The following XKR6 variants were observed in gnomAD, a reference collection of about 807,000 sequenced individuals.
XKR6 encodes the protein XK related 6.
XKR6 carries 22 observed loss-of-function variants against 56.7 expected under a neutral mutation model. That is an observed-to-expected ratio of 0.39 (90% CI 0.28 to 0.55). The LOEUF (loss-of-function observed/expected upper bound fraction) is 0.55. Among genes scored for constraint, XKR6 ranks in the 20% least tolerant of loss-of-function variants. The pLI, the probability that XKR6 is intolerant of heterozygous loss-of-function variation, is 0.66. For missense variants in XKR6, 852 were observed against 889.0 expected (o/e 0.96, Z 0.53); for synonymous variants, 524 against 387.8 (o/e 1.35, Z -4.13).
At chr8:11,198,988 T>C (rs1235971918) in intron 1 of XKR6, among the ~76,000 whole-genome samples, 1 of 151,798 alleles carries the variant, frequency 6.6e-6, no homozygotes, top group African/African-American at 2.4e-5. Flanking sequence ...AGTGTGTGGG[T>C]GTTTAGGAAT....
At chr8:10,925,202 CG>C (rs991794652) in intron 1 of XKR6, among the ~76,000 whole-genome samples, 4 of 152,046 alleles carry the variant, frequency 2.6e-5, no homozygotes, top group Admixed American at 1.3e-4. Flanking sequence ...TTCAGGACCC[CG>C]GGGGGAAACA....
At chr8:10,905,352 T>G (rs1359649282) in intron 2 of XKR6, among the ~76,000 whole-genome samples, 1 of 152,172 alleles carries the variant, frequency 6.6e-6, no homozygotes, top group Non-Finnish European at 1.5e-5. Context: ...GGATCTGCTC[T>G]GTCCTTCTTC....
chr8:11,171,502 T>G (rs11997794), intron 1 of XKR6, among the ~76,000 whole-genome samples: 1 of 152,172 alleles, frequency 6.6e-6, no homozygotes, highest in South Asian at 2.1e-4. Flanking sequence ...GCCTCATGAA[T>G]AGATTCATTC....
intron 1 of XKR6, among the ~76,000 whole-genome samples, chr8:10,976,107 T>C (rs866691650): frequency 3.4e-5 from 5 of 148,598 alleles, no homozygotes; most frequent in African/African-American, 1.0e-4. Context: ...ACCCGGGAGG[T>C]GGAGCTTGCA....
At chr8:11,093,761 C>A (rs930844532) in intron 1 of XKR6, among the ~76,000 whole-genome samples, 14 of 152,082 alleles carry the variant, frequency 9.2e-5, no homozygotes, top group African/African-American at 2.9e-4. Context: ...CTTTATACTT[C>A]AGGGTCTTTA....
At chr8:10,945,703 T>A (rs1801513934) in intron 1 of XKR6, among the ~76,000 whole-genome samples, 1 of 152,208 alleles carries the variant, frequency 6.6e-6, no homozygotes, top group Non-Finnish European at 1.5e-5. Context: ...TTGGGCGACT[T>A]CTTAATAAAA....
chr8:11,045,570 T>C (rs766752569), intron 1 of XKR6, among the ~76,000 whole-genome samples: 3 of 152,232 alleles, frequency 2.0e-5, no homozygotes, highest in Non-Finnish European at 4.4e-5. Flanking sequence ...GAGATAATAC[T>C]ACTACTGACC....
intron 1 of XKR6, among the ~76,000 whole-genome samples, chr8:11,097,665 G>A (rs1313803587): frequency 6.6e-6 from 1 of 151,612 alleles, no homozygotes; most frequent in African/African-American, 2.4e-5. Flanking sequence ...AAATTAGCCG[G>A]GCGTGGTGGT....
chr8:10,971,544 T>C (rs1463923717), intron 1 of XKR6, among the ~76,000 whole-genome samples: 2 of 152,082 alleles, frequency 1.3e-5, no homozygotes, highest in Admixed American at 6.5e-5. Context: ...TCACAGAACA[T>C]GAAAACTAAA....
intron 1 of XKR6, among the ~76,000 whole-genome samples, chr8:10,951,243 G>A (rs563011195): frequency 6.8e-4 from 103 of 151,736 alleles, no homozygotes; most frequent in African/African-American, 2.2e-3. Flanking sequence ...TCATGCTGGG[G>A]GGACAAGGGC....
In XKR6 at chr8:11,148,302, G is replaced by C. The variant is rs77706936; in HGVS notation, c.764+52274C>G. Among the ~76,000 whole-genome samples, 226 of 152,298 alleles carry C rather than the reference G, an allele frequency of 1.5e-3. 4 individuals are homozygous for C. In the South Asian group the frequency reaches 0.02, roughly 13 times the overall value. On this transcript the variant is annotated intron_variant, in intron 1 of 2. Transcript: ENST00000416569. ...CTGACTAGTGTCCTTATAATAATAG[G>C]AAATTTGGACACAGAAAGTGACACG...
chr8:11,004,707 A>G (rs1231938750), intron 1 of XKR6, among the ~76,000 whole-genome samples: 9 of 152,232 alleles, frequency 5.9e-5, no homozygotes, highest in African/African-American at 2.2e-4. Flanking sequence ...CCAAATAATT[A>G]AAAGCAGGGA....
At chr8:11,058,305 C>T (rs1460981145) in intron 1 of XKR6, among the ~76,000 whole-genome samples, 1 of 152,048 alleles carries the variant, frequency 6.6e-6, no homozygotes, top group Non-Finnish European at 1.5e-5. Context: ...GCCATTTGAC[C>T]CAGCAATCCC....
intron 2 of XKR6, among the ~76,000 whole-genome samples, chr8:10,912,673 TAG>T (rs1563284869): frequency 8.5e-5 from 11 of 130,036 alleles, no homozygotes; most frequent in African/African-American, 3.5e-4. Flanking sequence ...TCTATATATA[TAG>T]AGAGGGTGAG....
chr8:11,119,468 A>T (rs1799341026), intron 1 of XKR6, among the ~76,000 whole-genome samples: 1 of 152,114 alleles, frequency 6.6e-6, no homozygotes. Context: ...GTCACTAAGG[A>T]CTTGCTTTAT....
intron 1 of XKR6, among the ~76,000 whole-genome samples, chr8:11,132,325 C>G (rs1416281009): frequency 6.6e-6 from 1 of 152,052 alleles, no homozygotes; most frequent in Non-Finnish European, 1.5e-5. Context: ...TTCCTCTTAA[C>G]CAAACCTAAA....
chr8:11,031,324 C>G (rs1212176914), intron 1 of XKR6, among the ~76,000 whole-genome samples: 1 of 152,264 alleles, frequency 6.6e-6, no homozygotes, highest in Non-Finnish European at 1.5e-5. Context: ...GCACCCTTGC[C>G]TTGGGTCTCC....
intron 1 of XKR6, among the ~76,000 whole-genome samples, chr8:11,079,049 C>T (rs1363482079): frequency 6.6e-6 from 1 of 152,262 alleles, no homozygotes; most frequent in Non-Finnish European, 1.5e-5. Flanking sequence ...AGAACCCCAA[C>T]CCTTCTGCAA....
At chr8:10,902,246 G>T (rs564842329) in intron 2 of XKR6, among the ~76,000 whole-genome samples, 2 of 152,246 alleles carry the variant, frequency 1.3e-5, no homozygotes, top group Admixed American at 1.3e-4. Flanking sequence ...TCTGACTGGG[G>T]AGTCTGCTGG....
Sources: allele counts gnomAD v4.1 joint callset (sites outside exome capture counted in the v4.1 genomes callset), GRCh38; gene constraint gnomAD v4.1.1; transcripts MANE v1.5; gene names NCBI Gene and HGNC (gene_info 2026-07-23, HGNC 2026-07-21).